The following TTC3 variants were observed in gnomAD, a reference collection of about 807,000 sequenced individuals.
TTC3 encodes tetratricopeptide repeat domain 3.
TTC3 carries 180 observed loss-of-function variants against 249.6 expected under a neutral mutation model. The observed-to-expected ratio is 0.72, with a 90% CI of 0.64 to 0.82. The LOEUF (loss-of-function observed/expected upper bound fraction) is 0.82. Among genes scored for constraint, TTC3 ranks in the 40% least tolerant of loss-of-function variants. The pLI, the probability that TTC3 is intolerant of heterozygous loss-of-function variation, is 0.00. For missense variants in TTC3, 2,061 were observed against 2,398.4 expected (o/e 0.86, Z 2.94); for synonymous variants, 717 against 805.0 (o/e 0.89, Z 1.85).
intron 32 of TTC3, among the ~76,000 whole-genome samples, chr21:37,164,776 C>T (rs1478341539): frequency 6.6e-6 from 1 of 152,072 alleles, no homozygotes; most frequent in Non-Finnish European, 1.5e-5. Flanking sequence ...CCATTTTGAG[C>T]TTTGTGTTAT....
At chr21:37,130,447 C>T (rs1163610521) in intron 16 of TTC3, among the ~76,000 whole-genome samples, 1 of 151,984 alleles carries the variant, frequency 6.6e-6, no homozygotes, top group Non-Finnish European at 1.5e-5. Flanking sequence ...CTGAACACTC[C>T]TTTATTAGGT....
At chr21:37,121,787 GA>G in intron 11 of TTC3, 29 bp from the exon 12 acceptor site, 1 of 1,516,670 alleles carries the variant, frequency 6.6e-7, no homozygotes, top group Non-Finnish European at 8.8e-7. Flanking sequence ...ATATTTTTGA[GA>G]AAAAATTAAA....
At chr21:37,091,805 T>A (rs531322927) in intron 7 of TTC3, among the ~76,000 whole-genome samples, 29 of 152,304 alleles carry the variant, frequency 1.9e-4, no homozygotes, top group African/African-American at 6.5e-4. Context: ...TTGATCTCGA[T>A]CTCCTGACCT....
chr21:37,198,116 C>T, intron 44 of TTC3, 91 bp downstream of exon 44: 1 of 1,406,012 alleles, frequency 7.1e-7, no homozygotes, highest in Non-Finnish European at 9.5e-7. Flanking sequence ...CATTTCTAGA[C>T]CTAATTTATT....
chr21:37,100,838 A>G (rs2074414906), intron 10 of TTC3: 1 of 152,218 alleles, frequency 6.6e-6, no homozygotes, highest in Non-Finnish European at 1.5e-5. Flanking sequence ...CTTTTCAAAT[A>G]TGAGTTGGTA....
At chr21:37,197,458 G>T in intron 42 of TTC3, 112 bp from the exon 43 acceptor site, 1 of 1,270,876 alleles carries the variant, frequency 7.9e-7, no homozygotes, top group Non-Finnish European at 1.1e-6. Context: ...TTAATTTTAT[G>T]TGCATTTGTC....
intron 11 of TTC3, among the ~76,000 whole-genome samples, chr21:37,113,233 A>G (rs2075831479): frequency 6.6e-6 from 1 of 152,220 alleles, no homozygotes; most frequent in Non-Finnish European, 1.5e-5. Flanking sequence ...CAATTAGGAA[A>G]AGAGGAAGTC....
intron 35 of TTC3, among the ~76,000 whole-genome samples, chr21:37,178,156 A>G (rs1364876431): frequency 6.6e-6 from 1 of 152,208 alleles, no homozygotes; most frequent in Non-Finnish European, 1.5e-5. Context: ...TCAGTGTGTC[A>G]TTCCTTTTTA....
chr21:37,121,268 A>T (rs754895085), intron 11 of TTC3: 1 of 152,246 alleles, frequency 6.6e-6, no homozygotes, highest in Non-Finnish European at 1.5e-5. Context: ...AACAATGAAA[A>T]GCTGAGTGAA....
intron 11 of TTC3, among the ~76,000 whole-genome samples, chr21:37,117,835 C>CAAAAA (rs60664616): frequency 1.4e-5 from 1 of 73,440 alleles, no homozygotes; most frequent in African/African-American, 4.3e-5. Flanking sequence ...TGCGCCACTT[C>CAAAAA]AAAAAAAAAA....
intron 1 of TTC3, among the ~76,000 whole-genome samples, chr21:37,084,552 C>T (rs558094607): frequency 1.4e-4 from 21 of 152,172 alleles, no homozygotes; most frequent in Middle Eastern, 3.4e-3. Context: ...ATTTGATATG[C>T]GAGGAAACAC....
chr21:37,197,674 T>C, exon 43 of TTC3: 1 of 1,610,028 alleles, frequency 6.2e-7, no homozygotes, highest in East Asian at 2.2e-5. Flanking sequence ...GAACACATTC[T>C]AGATGAACAG....
rs73204065 is a variant in TTC3, at chr21:37,186,318, G to A, written c.4826+544G>A. Among the ~76,000 whole-genome samples the A allele has an allele frequency of 4.6e-5, 7 of 152,108 alleles. No homozygotes were observed. In the South Asian group the frequency reaches 1.0e-3, roughly 23 times the overall value. The stretch of plus-strand genomic sequence containing the variant: ...TGTTTCTTACGCACATTCCCATCCC[G>A]GTTTTTGAATAATTTTGTACAGATT... On this transcript the variant is annotated intron_variant, in intron 37 of 45. Transcript: ENST00000355666.
chr21:37,165,630 C>T (rs757240471), exon 33 of TTC3: 15 of 1,614,000 alleles, frequency 9.3e-6, no homozygotes, highest in Non-Finnish European at 1.3e-5. Context: ...GAGTTTTTCC[C>T]AGAAGAAACT....
chr21:37,100,638 G>T (rs1444342666), intron 10 of TTC3, among the ~76,000 whole-genome samples: 1 of 152,254 alleles, frequency 6.6e-6, no homozygotes, highest in South Asian at 2.1e-4. Flanking sequence ...GCCTGCGAAT[G>T]TTGCGCTTGG....
At position 37,077,715 on chromosome 21, in the gene TTC3, ACTGT is replaced by A. The variant is rs532248229; in HGVS notation, c.-12+4354_-12+4357del. ...TTGAGCATCTTTTGTATGTTTATGA[ACTGT>A]CTTTGTTTCCTTTTTATGAAATATC... On this transcript the variant is annotated intron_variant, in intron 1 of 45. Transcript: ENST00000355666. 1.8e-4 allele frequency among the ~76,000 whole-genome samples: 27 copies of A among 152,230 alleles called. No individual in the cohort carries two copies. In the South Asian group the frequency reaches 3.7e-3, roughly 21 times the overall value.
chr21:37,146,277 C>A (rs2147988022), intron 21 of TTC3, among the ~76,000 whole-genome samples: 1 of 152,136 alleles, frequency 6.6e-6, no homozygotes, highest in East Asian at 1.9e-4. Context: ...GCCTGTAATC[C>A]TACCACTTTG....
chr21:37,140,124 G>A (rs377053562), intron 19 of TTC3, among the ~76,000 whole-genome samples: 1 of 152,056 alleles, frequency 6.6e-6, no homozygotes, highest in African/African-American at 2.4e-5. Context: ...GCTTTCATCC[G>A]TCTTGTGCCA....
intron 13 of TTC3, 144 bp from the exon 14 acceptor site, chr21:37,124,475 T>C: frequency 3.9e-6 from 3 of 777,688 alleles, no homozygotes; most frequent in Non-Finnish European, 6.0e-6. Flanking sequence ...TGTTTATGTA[T>C]AAAGCCCCAT....
Sources: allele counts gnomAD v4.1 joint callset (sites outside exome capture counted in the v4.1 genomes callset), GRCh38; gene constraint gnomAD v4.1.1; transcripts MANE v1.5; gene names NCBI Gene and HGNC (gene_info 2026-07-23, HGNC 2026-07-21).